Variants in LPXN observed in about 807,000 individuals in gnomAD.
The protein encoded by LPXN is leupaxin.
In LPXN, 28 loss-of-function variants were observed where a neutral mutation model predicts 45.6. That is an observed-to-expected ratio of 0.61 (90% CI 0.45 to 0.84). The LOEUF (loss-of-function observed/expected upper bound fraction) is 0.84. Among genes scored for constraint, LPXN ranks in the 40% least tolerant of loss-of-function variants. The probability of loss-of-function intolerance (pLI) is 0.00; values close to 1 mark genes in which losing one functional copy is unlikely to be tolerated. For synonymous variants in LPXN, 166 were observed against 169.9 expected (o/e 0.98, Z 0.18); for missense variants, 459 against 475.0 (o/e 0.97, Z 0.31).
intron 3 of LPXN, among the ~76,000 whole-genome samples, chr11:58,561,952 A>G (rs746727045): frequency 6.6e-6 from 1 of 152,166 alleles, no homozygotes; most frequent in Non-Finnish European, 1.5e-5. Flanking sequence ...TTGTTCCCTG[A>G]CCTTTTGAAG....
chr11:58,564,718 A>G (rs1466254335), intron 2 of LPXN, among the ~76,000 whole-genome samples: 1 of 152,230 alleles, frequency 6.6e-6, no homozygotes, highest in Non-Finnish European at 1.5e-5. Flanking sequence ...TAAAAACTGT[A>G]AGCCCTGAAG....
chr11:58,541,059 C>A (rs201370636), intron 7 of LPXN, among the ~76,000 whole-genome samples: 2 of 151,956 alleles, frequency 1.3e-5, no homozygotes, highest in African/African-American at 4.8e-5. Flanking sequence ...TAAAGACTTA[C>A]ATGTTAGACC....
intron 4 of LPXN, among the ~76,000 whole-genome samples, chr11:58,554,316 AAC>A (rs1285314334): frequency 6.8e-6 from 1 of 146,638 alleles, no homozygotes; most frequent in African/African-American, 2.4e-5. Context: ...CCATCTCAAA[AAC>A]AAACAAACAA....
upstream of LPXN, chr11:58,577,950 C>T: frequency 6.5e-7 from 1 of 1,534,134 alleles, no homozygotes; most frequent in South Asian, 1.2e-5. Context: ...GCTCCGAGGG[C>T]CCAAGGACCC....
chr11:58,541,355 C>A (rs1853713709), intron 7 of LPXN, among the ~76,000 whole-genome samples: 1 of 152,112 alleles, frequency 6.6e-6, no homozygotes, highest in Non-Finnish European at 1.5e-5. Context: ...AAAAAACAAA[C>A]AACCCCATCA....
At chr11:58,550,797 T>C (rs1434966668) in intron 5 of LPXN, among the ~76,000 whole-genome samples, 5 of 152,184 alleles carry the variant, frequency 3.3e-5, no homozygotes, top group African/African-American at 1.2e-4. Flanking sequence ...CTACCTCTTA[T>C]TATGCCTTGG....
At chr11:58,568,208 C>A (rs1270499203) in intron 2 of LPXN, among the ~76,000 whole-genome samples, 1 of 152,194 alleles carries the variant, frequency 6.6e-6, no homozygotes, top group Non-Finnish European at 1.5e-5. Flanking sequence ...CAGCACCCTG[C>A]ATATAATTCT....
chr11:58,559,756 G>A (rs1854315997), intron 3 of LPXN, among the ~76,000 whole-genome samples: 1 of 151,986 alleles, frequency 6.6e-6, no homozygotes, highest in African/African-American at 2.4e-5. Context: ...CATGCCTGTG[G>A]TCCCAGCTAC....
intron 7 of LPXN, among the ~76,000 whole-genome samples, chr11:58,539,338 A>T (rs1434347507): frequency 6.6e-6 from 1 of 152,206 alleles, no homozygotes; most frequent in African/African-American, 2.4e-5. Flanking sequence ...TAAAAAGTAG[A>T]TCTGAAGCTC....
At chr11:58,573,516 A>G (rs1854778906) in intron 1 of LPXN, among the ~76,000 whole-genome samples, 1 of 152,172 alleles carries the variant, frequency 6.6e-6, no homozygotes, top group Non-Finnish European at 1.5e-5. Flanking sequence ...AAACCATACC[A>G]CAAAGAGTAG....
intron 1 of LPXN, 46 bp from the exon 2 acceptor site, chr11:58,570,759 C>A (rs372378718): frequency 1.6e-5 from 23 of 1,457,368 alleles, no homozygotes; most frequent in Non-Finnish European, 2.1e-5. Flanking sequence ...ATATTTAAAT[C>A]CCTACAGTCA....
chr11:58,571,869 G>A (rs1306278615), intron 1 of LPXN, among the ~76,000 whole-genome samples: 8 of 152,046 alleles, frequency 5.3e-5, no homozygotes, highest in East Asian at 1.9e-4. Context: ...TTGCTTAAGC[G>A]CATGAATGCA....
intron 3 of LPXN, among the ~76,000 whole-genome samples, chr11:58,557,528 C>T (rs888096182): frequency 6.6e-6 from 1 of 152,094 alleles, no homozygotes; most frequent in African/African-American, 2.4e-5. Context: ...TATGTAGATA[C>T]ACTGGTGATG....
chr11:58,569,845 C>T (rs1854631604), intron 2 of LPXN, among the ~76,000 whole-genome samples: 1 of 152,166 alleles, frequency 6.6e-6, no homozygotes, highest in Non-Finnish European at 1.5e-5. Context: ...AAAAGTCACC[C>T]TGAGAAGACT....
chr11:58,550,639 G>A (rs767679646), intron 5 of LPXN, among the ~76,000 whole-genome samples: 12 of 152,230 alleles, frequency 7.9e-5, no homozygotes, highest in Non-Finnish European at 1.5e-4. Flanking sequence ...TTGGAGCTGA[G>A]TTCAGCTGAA....
intron 7 of LPXN, among the ~76,000 whole-genome samples, chr11:58,531,605 G>A (rs1285868016): frequency 7.2e-5 from 11 of 152,128 alleles, no homozygotes. Context: ...AAGTTATGGG[G>A]AGAATGGAAC....
At chr11:58,555,513 G>A (rs989059553) in intron 3 of LPXN, among the ~76,000 whole-genome samples, 8 of 152,120 alleles carry the variant, frequency 5.3e-5, no homozygotes, top group Admixed American at 1.3e-4. Context: ...TTCTATTCAA[G>A]TAGCTGCATA....
At chr11:58,553,016 T>C (rs1854095426) in intron 4 of LPXN, among the ~76,000 whole-genome samples, 1 of 152,132 alleles carries the variant, frequency 6.6e-6, no homozygotes, top group Non-Finnish European at 1.5e-5. Flanking sequence ...TTGATTTGTG[T>C]ACAATGTGAA....
chr11:58,533,427 C>T (rs762462117), intron 7 of LPXN, among the ~76,000 whole-genome samples: 13 of 152,126 alleles, frequency 8.5e-5, no homozygotes, highest in Non-Finnish European at 1.3e-4. Context: ...AACTAAGCTT[C>T]GTAAACAAAA....
Sources: gnomAD v4.1 joint callset for allele counts (sites outside exome capture counted in the v4.1 genomes callset) on GRCh38, gnomAD v4.1.1 for gene constraint, MANE v1.5 for transcripts, NCBI Gene and HGNC (gene_info 2026-07-23, HGNC 2026-07-21) for gene names.